Variants in THSD7B observed in about 807,000 individuals in gnomAD.
THSD7B encodes the protein thrombospondin type-1 domain-containing protein 7B.
Under a neutral mutation model 213.6 loss-of-function variants are expected in THSD7B, and 138 were observed. The ratio of observed to expected loss-of-function variants is 0.65; its 90% CI spans 0.56 to 0.74. THSD7B has a LOEUF of 0.74. Ranked by LOEUF, THSD7B falls within the 30% of genes least tolerant of loss-of-function variation. The probability of loss-of-function intolerance (pLI) is 0.00; values close to 1 mark genes in which losing one functional copy is unlikely to be tolerated. For missense variants in THSD7B, 1,931 were observed against 1,991.5 expected, an observed-to-expected ratio of 0.97 and a Z score of 0.58; for synonymous variants, 742 against 687.0, an observed-to-expected ratio of 1.08 and a Z score of -1.25.
intron 12 of THSD7B, among the ~76,000 whole-genome samples, chr2:137,378,352 G>C (rs1685705494): frequency 6.6e-6 from 1 of 152,204 alleles, no homozygotes; most frequent in African/African-American, 2.4e-5. Flanking sequence ...TTCTTTTGCA[G>C]CTGACTTTGC....
At chr2:137,309,580 T>C (rs1001056859) in intron 12 of THSD7B, among the ~76,000 whole-genome samples, 1 of 152,096 alleles carries the variant, frequency 6.6e-6, no homozygotes, top group Admixed American at 6.5e-5. Context: ...TATGTATACA[T>C]GTGTCATGCT....
At chr2:137,144,828 T>G (rs1277516198) in intron 5 of THSD7B, among the ~76,000 whole-genome samples, 2 of 152,038 alleles carry the variant, frequency 1.3e-5, no homozygotes, top group Non-Finnish European at 2.9e-5. Context: ...AATCAAGGAT[T>G]TTATCTTTTA....
At chr2:136,775,256 C>G (rs1249273034) in intron 1 of THSD7B, among the ~76,000 whole-genome samples, 1 of 152,122 alleles carries the variant, frequency 6.6e-6, no homozygotes, top group Non-Finnish European at 1.5e-5. Context: ...TGAATTTACA[C>G]ATGTGAATTA....
At chr2:136,789,700 G>A (rs975546525) in intron 1 of THSD7B, among the ~76,000 whole-genome samples, 2 of 152,050 alleles carry the variant, frequency 1.3e-5, no homozygotes, top group Non-Finnish European at 2.9e-5. Context: ...TGACATTTAT[G>A]GGAGTACTCT....
At chr2:137,230,173 A>G (rs1469818) in intron 7 of THSD7B, among the ~76,000 whole-genome samples, 67,656 of 152,080 alleles carry the variant, frequency 0.44, 15,324 homozygotes, top group African/African-American at 0.53. Context: ...GAGAGTTTTA[A>G]TTAGCCATTG....
intron 15 of THSD7B, among the ~76,000 whole-genome samples, chr2:137,451,258 A>G (rs1046916546): frequency 3.3e-5 from 5 of 152,048 alleles, no homozygotes; most frequent in South Asian, 2.1e-4. Flanking sequence ...TATTTACAAA[A>G]TCAAATCAAA....
At chr2:137,485,542 G>A (rs142608779) in intron 15 of THSD7B, among the ~76,000 whole-genome samples, 7,450 of 152,168 alleles carry the variant, frequency 0.049, 239 homozygotes, top group Non-Finnish European at 0.068. Flanking sequence ...TGAAAGTGAC[G>A]GGGAGAATGG....
intron 3 of THSD7B, among the ~76,000 whole-genome samples, chr2:137,075,221 A>G (rs1353109649): frequency 1.3e-5 from 2 of 152,192 alleles, no homozygotes; most frequent in African/African-American, 4.8e-5. Flanking sequence ...TTTCAGGTAC[A>G]CCAGTCAAAT....
chr2:137,479,583 G>A (rs1573649792), intron 15 of THSD7B: 2 of 242,872 alleles, frequency 8.2e-6, no homozygotes, highest in South Asian at 3.3e-5. Flanking sequence ...GTTAGTGGCT[G>A]CAAGCAGGTA....
At chr2:136,812,867 A>G (rs545035015) in intron 1 of THSD7B, among the ~76,000 whole-genome samples, 1 of 152,304 alleles carries the variant, frequency 6.6e-6, no homozygotes, top group East Asian at 1.9e-4. Flanking sequence ...ATTGTTTTTC[A>G]GACTGGGTAG....
rs1295053031 is a variant in THSD7B, at chr2:136,998,909, G to GACACAAACACAC, written c.140-57506_140-57505insAACACACACACA. ...TTTCATGCTCCTTGAATACCCAACA[G>GACACAAACACAC]ACACACACACACACACACACACACA... On this transcript the variant is annotated intron_variant, in intron 2 of 27. Coordinates refer to ENST00000409968, the MANE Select transcript of THSD7B (RefSeq NM_001316349.2). Among the ~76,000 whole-genome samples, 710 of 129,964 alleles carry GACACAAACACAC rather than the reference G, an allele frequency of 5.5e-3. 7 individuals are homozygous for GACACAAACACAC. Among genetic ancestry groups the GACACAAACACAC allele is most frequent in the African/African-American group, 0.017 (594 of 35,390 alleles). 85.3% of individuals were successfully genotyped at this position (129,964 alleles called of 152,430 possible). A position where few individuals can be genotyped will look rare whatever the true frequency, so the allele number is the denominator to read the frequency against.
At chr2:136,827,681 C>G (rs769663404) in intron 1 of THSD7B, among the ~76,000 whole-genome samples, 2 of 151,812 alleles carry the variant, frequency 1.3e-5, no homozygotes, top group Non-Finnish European at 2.9e-5. Flanking sequence ...GAGGAAGATA[C>G]AGGTAAATTT....
chr2:136,841,502 C>T (rs1298896769), intron 1 of THSD7B, among the ~76,000 whole-genome samples: 1 of 144,308 alleles, frequency 6.9e-6, no homozygotes, highest in African/African-American at 2.6e-5. Context: ...GAGGGTGAGG[C>T]AGGAGAGTCA....
At chr2:137,032,604 C>G (rs1182913560) in intron 2 of THSD7B, among the ~76,000 whole-genome samples, 1 of 152,152 alleles carries the variant, frequency 6.6e-6, no homozygotes, top group Non-Finnish European at 1.5e-5. Context: ...GGCTTTTTCA[C>G]ACAATTTAGT....
chr2:136,791,564 AG>A (rs1558806340), intron 1 of THSD7B, among the ~76,000 whole-genome samples: 1 of 141,452 alleles, frequency 7.1e-6, no homozygotes, highest in Non-Finnish European at 1.5e-5. Context: ...CCCCCATCCG[AG>A]GCAACCCTAA....
At chr2:137,284,215 A>G (rs1683111384) in intron 12 of THSD7B, among the ~76,000 whole-genome samples, 1 of 152,082 alleles carries the variant, frequency 6.6e-6, no homozygotes, top group South Asian at 2.1e-4. Context: ...CTCTGATGGT[A>G]GTTTGTATTT....
chr2:136,827,813 G>C (rs896367524), intron 1 of THSD7B, among the ~76,000 whole-genome samples: 9 of 152,072 alleles, frequency 5.9e-5, no homozygotes, highest in Non-Finnish European at 1.0e-4. Flanking sequence ...GACACAGAGA[G>C]AGAAATATTA....
chr2:137,484,207 T>G (rs1295801013), intron 15 of THSD7B, among the ~76,000 whole-genome samples: 8 of 139,772 alleles, frequency 5.7e-5, no homozygotes, highest in Non-Finnish European at 1.2e-4. Flanking sequence ...AGTGTGATGT[T>G]CCCCTTCCTG....
chr2:137,603,174 G>T (rs1682107756), intron 17 of THSD7B, among the ~76,000 whole-genome samples: 1 of 152,124 alleles, frequency 6.6e-6, no homozygotes, highest in African/African-American at 2.4e-5. Flanking sequence ...TTGCAATATG[G>T]ACACCACCAC....
Sources: gnomAD v4.1 joint callset for allele counts (sites outside exome capture counted in the v4.1 genomes callset) on GRCh38, gnomAD v4.1.1 for gene constraint, MANE v1.5 for transcripts, NCBI Gene and HGNC (gene_info 2026-07-23, HGNC 2026-07-21) for gene names.